SHANK2: variants seen among roughly 807,000 people sequenced by gnomAD.
SHANK2 encodes SH3 and multiple ankyrin repeat domains protein 2.
Under a neutral mutation model 133.7 loss-of-function variants are expected in SHANK2, and 43 were observed. The observed-to-expected ratio is 0.32, with a 90% confidence interval of 0.25 to 0.41. The LOEUF is 0.41. SHANK2 is among the 10% of genes least tolerant of loss of function. SHANK2 has a pLI of 1.00. For synonymous variants in SHANK2, 1,017 were observed against 952.8 expected, an observed-to-expected ratio of 1.07 and a Z score of -1.24; for missense variants, 1,994 against 2,235.8, an observed-to-expected ratio of 0.89 and a Z score of 2.18.
chr11:70,539,497 GCTCACCACGCTCA>G (rs1196245757), intron 17 of SHANK2, among the ~76,000 whole-genome samples: 3 of 148,834 alleles, frequency 2.0e-5, no homozygotes, highest in East Asian at 2.0e-4. Context: ...CACTCGCCAC[GCTCACCACGCTCA>G]CTCGCCACGC....
chr11:71,134,156 G>A (rs1477336134), intron 3 of SHANK2, among the ~76,000 whole-genome samples: 3 of 151,978 alleles, frequency 2.0e-5, no homozygotes, highest in African/African-American at 4.8e-5. Context: ...TGGGAGGGGA[G>A]GGGCTCATCT....
rs1457780014 is a variant in SHANK2 at position 70,943,206 on chromosome 11, G to T, written c.1108-46639C>A. The T allele has an allele frequency of 9.8e-6, 4 of 408,348 alleles. No individual in the cohort carries two copies. The East Asian group carries it at 2.9e-4, about 29-fold the overall frequency. 25.3% of individuals were successfully genotyped at this position (408,348 alleles called of 1,614,324 possible). ...GCTCAGTCACCGACATGTTCAAAGG[G>T]GTCTGTCTGTGTCTGGAGGAGATTA... is the stretch of plus-strand genomic sequence containing the variant. On this transcript the variant is annotated intron_variant, in intron 10 of 25. Transcript: ENST00000601538.
At chr11:71,149,034 A>G (rs572743485) in intron 2 of SHANK2, among the ~76,000 whole-genome samples, 94 of 152,318 alleles carry the variant, frequency 6.2e-4, no homozygotes, top group African/African-American at 2.2e-3. Context: ...CTACAGGACA[A>G]GGTCAAACTT....
At chr11:70,792,398 A>G (rs1012696228) in intron 14 of SHANK2, among the ~76,000 whole-genome samples, 6 of 45,340 alleles carry the variant, frequency 1.3e-4, no homozygotes, top group South Asian at 8.3e-4. Context: ...CAACCAGCCA[A>G]CCAACCAACC....
At chr11:70,795,407 C>CTTTT (rs71049944) in intron 14 of SHANK2, among the ~76,000 whole-genome samples, 9 of 128,450 alleles carry the variant, frequency 7.0e-5, no homozygotes, top group Non-Finnish European at 9.5e-5. Context: ...CTTTCTTTTT[C>CTTTT]TTTTTTTTTT....
intron 16 of SHANK2, among the ~76,000 whole-genome samples, chr11:70,660,855 C>G (rs145210805): frequency 6.6e-6 from 1 of 152,228 alleles, no homozygotes; most frequent in African/African-American, 2.4e-5. Flanking sequence ...CCTGGCACAG[C>G]GCGTAAGCTC....
At chr11:70,552,608 G>T (rs1202133451) in intron 17 of SHANK2, among the ~76,000 whole-genome samples, 2 of 152,202 alleles carry the variant, frequency 1.3e-5, no homozygotes, top group Non-Finnish European at 1.5e-5. Flanking sequence ...GGCTGATCCT[G>T]GGCAAGCCGC....
chr11:70,512,943 G>A (rs564531633), intron 17 of SHANK2, among the ~76,000 whole-genome samples: 247 of 152,180 alleles, frequency 1.6e-3, no homozygotes, highest in African/African-American at 5.8e-3. Context: ...AAAATTTGAG[G>A]TTGGGGAATA....
At chr11:71,169,178 G>A (rs927938559) in intron 2 of SHANK2, among the ~76,000 whole-genome samples, 8 of 152,170 alleles carry the variant, frequency 5.3e-5, no homozygotes, top group South Asian at 2.1e-4. Context: ...TGTGGTCGCC[G>A]TACTGGCTTA....
At chr11:70,488,138 C>T (rs12272760) in intron 24 of SHANK2, among the ~76,000 whole-genome samples, 27 of 152,230 alleles carry the variant, frequency 1.8e-4, no homozygotes, top group Admixed American at 3.9e-4. Context: ...GTGCTTGGGG[C>T]GGGGTTGGCT....
intron 9 of SHANK2, among the ~76,000 whole-genome samples, chr11:71,062,200 T>C (rs2135936965): frequency 6.6e-6 from 1 of 152,242 alleles, no homozygotes; most frequent in East Asian, 1.9e-4. Context: ...AAGCAATCTG[T>C]CCACCGTGGC....
chr11:71,218,657 G>A (rs1299100576), intron 2 of SHANK2, among the ~76,000 whole-genome samples: 1 of 152,058 alleles, frequency 6.6e-6, no homozygotes, highest in Non-Finnish European at 1.5e-5. Context: ...CCACCCAGCT[G>A]TCCACATCAG....
At chr11:70,783,626 G>T (rs1947563573) in intron 14 of SHANK2, among the ~76,000 whole-genome samples, 2 of 152,072 alleles carry the variant, frequency 1.3e-5, no homozygotes, top group Non-Finnish European at 2.9e-5. Flanking sequence ...GGAAGCAACT[G>T]TGTGCGAGAC....
At chr11:70,516,665 C>T (rs1258455276) in intron 17 of SHANK2, among the ~76,000 whole-genome samples, 1 of 152,144 alleles carries the variant, frequency 6.6e-6, no homozygotes, top group African/African-American at 2.4e-5. Flanking sequence ...AAAGATAAAC[C>T]ACAGACTGGG....
intron 8 of SHANK2, 114 bp downstream of exon 8, chr11:71,092,308 A>G: frequency 8.4e-7 from 1 of 1,190,572 alleles, no homozygotes; most frequent in Non-Finnish European, 1.2e-6. Context: ...CAGGCCAAAC[A>G]AAATACCTGA....
chr11:70,486,416 C>T lies in SHANK2; in HGVS notation c.3877G>A (p.Asp1293Asn), dbSNP rs781986867. The T allele has an allele frequency of 1.9e-6, 3 of 1,614,058 alleles. No individual in the cohort carries two copies. The highest frequency in any genetic ancestry group is 2.2e-5 in the East Asian group (1 of 44,868). ...TCGATCAGCATGTTCTTCTTGTCAT[C>T]GCCTTTCCGGTCTCGGCCCAGGTCG... ...ETDLGRDRKG[D>N]DKKNMLIDIM... The change falls in exon 25 of 26, where the codon GAT becomes AAT. Residue 1293 changes from aspartate to asparagine, a missense_variant. This residue lies in a region of SHANK2 where 797 missense variants were observed against 907.4 expected (regional missense o/e 0.88). Coordinates refer to ENST00000601538, the MANE Select transcript of SHANK2 (RefSeq NM_012309.5). The surrounding 1 kb of genome is among the most constrained non-coding windows in gnomAD (Gnocchi z 8.0).
chr11:70,585,891 C>T, intron 17 of SHANK2, among the ~76,000 whole-genome samples: 1 of 141,564 alleles, frequency 7.1e-6, no homozygotes, highest in Admixed American at 7.2e-5. Flanking sequence ...TCCATGCATC[C>T]ACCCATCCTC....
At position 71,110,150 on chromosome 11, in the gene SHANK2, C is replaced by T. The variant is rs1951871012; in HGVS notation, c.484-101G>A. ...CTCTACAAAAAATAGAAAAATTAGC[C>T]AGACATGGCTGCACACGGTGGCTCA... On this transcript the variant is annotated intron_variant, in intron 5 of 25. Coordinates refer to ENST00000601538, the MANE Select transcript of SHANK2 (RefSeq NM_012309.5). 5.6e-6 allele frequency: 5 copies of T among 898,300 alleles called. No homozygotes were observed. The East Asian group carries it at 1.1e-4, about 19-fold the overall frequency. The allele number at this position is 898,300 out of a possible 1,614,324, so 55.6% of individuals were successfully genotyped here.
At position 70,485,588 on chromosome 11, in the gene SHANK2, C is replaced by T. The variant is rs1264685715; in HGVS notation, c.4705G>A (p.Glu1569Lys). ...SNALYQDALVEEDVDSFVIPP... is the reference protein window; with the variant it reads ...SNALYQDALVKEDVDSFVIPP... ...ATAACAAAGCTATCTACATCTTCTT[C>T]CACGAGCGCGTCTTGATAAAGTGCA... is the stretch of plus-strand genomic sequence containing the variant. The change falls in exon 25 of 26, where the codon GAA (glutamate) becomes AAA (lysine). Residue 1569 changes from glutamate (E) to lysine (K), a missense_variant. Glu to Lys is a moderately conservative substitution (Grantham distance 56). Transcript: ENST00000601538. The surrounding 1 kb of genome is among the most constrained non-coding windows in gnomAD (Gnocchi z 5.8). 1.2e-6 allele frequency: 2 copies of T among 1,613,780 alleles called. No homozygotes were observed. Among genetic ancestry groups the T allele is most frequent in the Non-Finnish European group, 1.7e-6 (2 of 1,180,060 alleles).
Sources: gnomAD v4.1 joint callset for allele counts (sites outside exome capture counted in the v4.1 genomes callset) on GRCh38, gnomAD v4.1.1 for gene constraint, gnomAD v4.1.1 regional missense constraint, Gnocchi (gnomAD v3.1) non-coding constraint, MANE v1.5 for transcripts, NCBI Gene and HGNC (gene_info 2026-07-23, HGNC 2026-07-21) for gene names.